UBE2V2: variants seen among roughly 807,000 people sequenced by gnomAD.
UBE2V2 encodes ubiquitin-conjugating enzyme E2 variant 2.
In UBE2V2, 9 loss-of-function variants were observed where a neutral mutation model predicts 17.2. That is an observed-to-expected ratio of 0.52 (90% CI 0.32 to 0.91). The LOEUF is 0.91. Among genes scored for constraint, UBE2V2 ranks in the 40% least tolerant of loss-of-function variants. The pLI is 0.04. For synonymous variants in UBE2V2, 61 were observed against 57.5 expected (o/e 1.06, Z -0.28); for missense variants, 133 against 182.6 (o/e 0.73, Z 1.56).
chr8:48,028,274 C>T (rs1004420990), intron 1 of UBE2V2, among the ~76,000 whole-genome samples: 26 of 151,902 alleles, frequency 1.7e-4, no homozygotes, highest in Admixed American at 1.7e-3. Context: ...TTCAAGTGAT[C>T]CTCCCACGTT....
At chr8:48,003,060 A>G in the UBE2V2 span, among the ~76,000 whole-genome samples, 12 of 152,088 alleles carry the variant, frequency 7.9e-5, no homozygotes, top group East Asian at 2.1e-3. Context: ...AAATACAAAA[A>G]TTAGCTGGGC....
chr8:48,003,246 C>A, the UBE2V2 span, among the ~76,000 whole-genome samples: 1 of 150,948 alleles, frequency 6.6e-6, no homozygotes, highest in South Asian at 2.1e-4. Flanking sequence ...GAATTTAGTT[C>A]TCAGATAACA....
intron 1 of UBE2V2, among the ~76,000 whole-genome samples, chr8:48,019,996 T>C (rs931356634): frequency 2.0e-5 from 3 of 151,964 alleles, no homozygotes; most frequent in Non-Finnish European, 2.9e-5. Context: ...AAAAATAATT[T>C]TATCTGATAT....
In UBE2V2 at chr8:48,049,856, A is replaced by T. The variant is rs1000360738; in HGVS notation, c.169A>T (p.Asn57Tyr). The T allele has an allele frequency of 8.8e-6, 14 of 1,591,804 alleles. No homozygotes were observed. Among genetic ancestry groups the T allele is most frequent in the Non-Finnish European group, 1.2e-5 (14 of 1,172,764 alleles). The part of the protein sequence containing the change: ...TGMIIGPPRT[N>Y]YENRIYSLKV... ...CTTTTTGTTTTTTGCCTTCCAGACA[A>T]ATTATGAAAACAGAATATATAGCCT... The change falls in exon 3 of 4, where the codon AAT becomes TAT. Residue 57 changes from asparagine to tyrosine, a missense_variant. Asn to Tyr is a moderately radical substitution (Grantham distance 143, BLOSUM62 -2). Transcript: ENST00000523111.
At chr8:48,011,702 A>G (rs1375547935) in intron 1 of UBE2V2, among the ~76,000 whole-genome samples, 1 of 152,146 alleles carries the variant, frequency 6.6e-6, no homozygotes, top group Non-Finnish European at 1.5e-5. Flanking sequence ...CCCAGGTTGG[A>G]ATGCAGTGGC....
At chr8:48,041,844 T>C (rs1368319073) in intron 1 of UBE2V2, 2 of 151,740 alleles carry the variant, frequency 1.3e-5, no homozygotes, top group East Asian at 1.9e-4. Flanking sequence ...CCCAGGCTGG[T>C]GTGCAATGGT....
intron 1 of UBE2V2, among the ~76,000 whole-genome samples, chr8:48,037,202 T>G (rs2091430729): frequency 6.6e-6 from 1 of 152,214 alleles, no homozygotes; most frequent in Admixed American, 6.6e-5. Context: ...ATATAGGTTA[T>G]GAAGTTTTAG....
At chr8:48,014,004 T>C (rs1407912515) in intron 1 of UBE2V2, among the ~76,000 whole-genome samples, 1 of 152,152 alleles carries the variant, frequency 6.6e-6, no homozygotes, top group East Asian at 1.9e-4. Context: ...AGAACTCGGG[T>C]GTGGTGATAG....
Position 48,062,092 on chromosome 8 carries a change from G to A in UBE2V2, c.*1264G>A, listed in dbSNP as rs1368437895. ...TCCGCTTTCACCAAAGTGACGTGAGGCTTTAGGTCACTGTTTCACTTCAAA... is the reference window on the plus strand; with the variant it reads ...TCCGCTTTCACCAAAGTGACGTGAGACTTTAGGTCACTGTTTCACTTCAAA... On this transcript the variant is annotated 3_prime_UTR_variant, in exon 4 of 4. Coordinates refer to ENST00000523111, the MANE Select transcript of UBE2V2 (RefSeq NM_003350.3). 6.6e-6 allele frequency: 1 copy of A among 152,106 alleles called. No individual in the cohort carries two copies. The highest frequency in any genetic ancestry group is 1.5e-5 in the Non-Finnish European group (1 of 68,014). 9.4% of individuals were successfully genotyped at this position (152,106 alleles called of 1,614,324 possible).
chr8:48,017,413 G>C (rs1476803506), intron 1 of UBE2V2, among the ~76,000 whole-genome samples: 8 of 145,308 alleles, frequency 5.5e-5, no homozygotes, highest in Admixed American at 2.1e-4. Flanking sequence ...CGCTCTTGTT[G>C]CCCAGGCTGG....
At chr8:48,041,738 C>T (rs1563856666) in intron 1 of UBE2V2, 1 of 151,934 alleles carries the variant, frequency 6.6e-6, no homozygotes, top group Non-Finnish European at 1.5e-5. Context: ...TTTGACTCCC[C>T]TTCCTAAACT....
intron 1 of UBE2V2, among the ~76,000 whole-genome samples, chr8:48,031,835 C>T (rs1274252859): frequency 6.6e-6 from 1 of 151,890 alleles, no homozygotes; most frequent in Non-Finnish European, 1.5e-5. Context: ...TTAGTAGAGA[C>T]GGGGGTTTCA....
At chr8:48,025,599 T>C (rs1010430583) in intron 1 of UBE2V2, among the ~76,000 whole-genome samples, 3 of 151,008 alleles carry the variant, frequency 2.0e-5, no homozygotes, top group African/African-American at 7.3e-5. Context: ...TTTCTTTTTT[T>C]TTTCTTTCTT....
intron 1 of UBE2V2, among the ~76,000 whole-genome samples, chr8:48,032,216 G>C: frequency 6.6e-6 from 1 of 152,056 alleles, no homozygotes; most frequent in East Asian, 1.9e-4. Flanking sequence ...TGAATACTAA[G>C]CAATTGTGAT....
At chr8:48,009,262 CTTTTCTTTTTT>C (rs888802334) in intron 1 of UBE2V2, among the ~76,000 whole-genome samples, 1 of 145,296 alleles carries the variant, frequency 6.9e-6, no homozygotes, top group African/African-American at 2.5e-5. Flanking sequence ...TTTTTCTTTT[CTTTTCTTTTTT>C]TTTTTTTTTT....
intron 1 of UBE2V2, among the ~76,000 whole-genome samples, chr8:48,022,660 C>T (rs2091313530): frequency 6.6e-6 from 1 of 152,094 alleles, no homozygotes. Context: ...GAAGAACTTC[C>T]CATAGCATTT....
At chr8:48,025,435 TA>T (rs1589854330) in intron 1 of UBE2V2, among the ~76,000 whole-genome samples, 1 of 150,274 alleles carries the variant, frequency 6.7e-6, no homozygotes, top group Non-Finnish European at 1.5e-5. Context: ...AGCTGATTAT[TA>T]TTATTTTTTT....
At chr8:48,014,885 C>T (rs186677584) in intron 1 of UBE2V2, among the ~76,000 whole-genome samples, 2 of 149,940 alleles carry the variant, frequency 1.3e-5, no homozygotes, top group Admixed American at 1.3e-4. Flanking sequence ...CCCGTCTCTA[C>T]CAAAAATACA....
intron 2 of UBE2V2, among the ~76,000 whole-genome samples, chr8:48,047,104 G>A (rs891404154): frequency 1.3e-5 from 2 of 151,802 alleles, no homozygotes; most frequent in Non-Finnish European, 2.9e-5. Flanking sequence ...ACCATGCCCG[G>A]CTAATTTTGT....
Sources: allele counts gnomAD v4.1 joint callset (sites outside exome capture counted in the v4.1 genomes callset), GRCh38; gene constraint gnomAD v4.1.1; transcripts MANE v1.5; gene names NCBI Gene and HGNC (gene_info 2026-07-23, HGNC 2026-07-21).